The following CTNNA1 variants were observed in gnomAD, a reference collection of about 807,000 sequenced individuals.
CTNNA1 encodes the protein catenin alpha-1.
A neutral mutation model predicts 98.4 loss-of-function variants in CTNNA1; 37 were observed. The observed-to-expected ratio is 0.38, with a 90% confidence interval of 0.29 to 0.49. The LOEUF (loss-of-function observed/expected upper bound fraction) is 0.49. Ranked by LOEUF, CTNNA1 falls within the 20% of genes least tolerant of loss-of-function variation. The pLI is 0.95. For synonymous variants in CTNNA1, 404 were observed against 413.2 expected (o/e 0.98, Z 0.27); for missense variants, 761 against 1,147.2 (o/e 0.66, Z 4.86).
intron 5 of CTNNA1, among the ~76,000 whole-genome samples, chr5:138,813,307 C>A (rs966297168): frequency 1.3e-5 from 2 of 152,222 alleles, no homozygotes; most frequent in South Asian, 2.1e-4. Flanking sequence ...CTGTTCCTTC[C>A]ATATGTCTCT....
At chr5:138,758,500 C>T (rs980890891) in intron 1 of CTNNA1, among the ~76,000 whole-genome samples, 11 of 152,224 alleles carry the variant, frequency 7.2e-5, no homozygotes, top group South Asian at 2.1e-4. Flanking sequence ...GCCTCAGCCT[C>T]GCAAATAGCT....
chr5:138,775,963 T>C lies in CTNNA1; in HGVS notation c.-2-5960T>C, dbSNP rs190700112. On this transcript the variant is annotated intron_variant, in intron 1 of 17. Transcript: ENST00000302763. ...GGATGGTCTCGATCTCCTGACCTCA[T>C]GATCCACCTGCCTTGGCCTTCCAAA... Among the ~76,000 whole-genome samples, 142 of 151,468 alleles carry C rather than the reference T, an allele frequency of 9.4e-4. 1 individual carries two copies. The highest frequency in any genetic ancestry group is 3.3e-3 in the African/African-American group (136 of 41,370).
chr5:138,799,396 G>T (rs1434234260), intron 3 of CTNNA1, among the ~76,000 whole-genome samples: 2 of 152,100 alleles, frequency 1.3e-5, no homozygotes, highest in African/African-American at 4.8e-5. Context: ...CTGACTTCAG[G>T]TGATCCACCC....
chr5:138,888,628 A>G (rs1400849169), intron 9 of CTNNA1, among the ~76,000 whole-genome samples: 2 of 152,126 alleles, frequency 1.3e-5, no homozygotes, highest in African/African-American at 2.4e-5. Context: ...GCTGACTGCA[A>G]TCTCTGCCTC....
At chr5:138,891,769 TAAA>T (rs1268332417) in intron 9 of CTNNA1, among the ~76,000 whole-genome samples, 3 of 147,792 alleles carry the variant, frequency 2.0e-5, no homozygotes, top group African/African-American at 8.0e-5. Flanking sequence ...AAAAAATAAA[TAAA>T]ATAACAACAA....
chr5:138,833,573 T>A (rs1761486711), intron 7 of CTNNA1, among the ~76,000 whole-genome samples: 1 of 152,226 alleles, frequency 6.6e-6, no homozygotes, highest in Non-Finnish European at 1.5e-5. Context: ...TATGTATCTA[T>A]AACTTGTATA....
At chr5:138,802,290 T>C (rs1157934145) in intron 3 of CTNNA1, among the ~76,000 whole-genome samples, 1 of 152,222 alleles carries the variant, frequency 6.6e-6, no homozygotes, top group Non-Finnish European at 1.5e-5. Flanking sequence ...TATACATTTA[T>C]AATAGACAAT....
At chr5:138,887,314 C>T (rs1395311462) in intron 8 of CTNNA1, among the ~76,000 whole-genome samples, 176 bp from the exon 9 acceptor site, 1 of 152,090 alleles carries the variant, frequency 6.6e-6, no homozygotes, top group African/African-American at 2.4e-5. Flanking sequence ...TCTCCATGAT[C>T]ATGTTTCCTG....
chr5:138,840,115 G>A (rs1298162406), intron 7 of CTNNA1, among the ~76,000 whole-genome samples: 1 of 152,212 alleles, frequency 6.6e-6, no homozygotes, highest in Non-Finnish European at 1.5e-5. Context: ...CCGTGAAGAT[G>A]GGGATATAAT....
intron 12 of CTNNA1, 43 bp from the exon 13 acceptor site, chr5:138,925,213 C>A: frequency 1.9e-6 from 3 of 1,596,274 alleles, no homozygotes; most frequent in Non-Finnish European, 2.6e-6. Flanking sequence ...GGGAATGATG[C>A]TGCCTGCTGA....
At chr5:138,926,801 G>A (rs1009993196) in intron 13 of CTNNA1, among the ~76,000 whole-genome samples, 1 of 152,140 alleles carries the variant, frequency 6.6e-6, no homozygotes, top group Non-Finnish European at 1.5e-5. Context: ...CTCAGCCTGT[G>A]AAACACGGGT....
At chr5:138,865,250 C>T (rs988167280) in intron 7 of CTNNA1, among the ~76,000 whole-genome samples, 7 of 152,214 alleles carry the variant, frequency 4.6e-5, no homozygotes, top group Non-Finnish European at 1.0e-4. Context: ...GAAACACCAG[C>T]TGCTGAAAGT....
intron 7 of CTNNA1, among the ~76,000 whole-genome samples, chr5:138,859,838 G>A (rs561325958): frequency 6.6e-6 from 1 of 152,266 alleles, no homozygotes; most frequent in Non-Finnish European, 1.5e-5. Flanking sequence ...AGCCCAGGAG[G>A]CAGAGGTTGC....
chr5:138,878,457 A>G (rs973999993), intron 7 of CTNNA1, among the ~76,000 whole-genome samples: 6 of 152,240 alleles, frequency 3.9e-5, no homozygotes, highest in African/African-American at 1.4e-4. Context: ...TAAAGTGGCA[A>G]TACTACTTCT....
At position 138,773,732 on chromosome 5, in the gene CTNNA1, A is replaced by G. The variant is rs552911902; in HGVS notation, c.-2-8191A>G. Among the ~76,000 whole-genome samples the G allele has an allele frequency of 4.7e-5, 7 of 149,714 alleles. No individual in the cohort carries two copies. In the East Asian group the frequency reaches 1.4e-3, roughly 29 times the overall value. On this transcript the variant is annotated intron_variant, in intron 1 of 17. Transcript: ENST00000302763. ...GAATTAATTTTTTTTTTTTTTTTAGACAGAGTCTCACTCTGTTGCCCAGGC... is the reference window on the plus strand; with the variant it reads ...GAATTAATTTTTTTTTTTTTTTTAGGCAGAGTCTCACTCTGTTGCCCAGGC...
intron 7 of CTNNA1, among the ~76,000 whole-genome samples, chr5:138,866,299 TTTA>T (rs1204167218): frequency 6.7e-6 from 1 of 148,360 alleles, no homozygotes; most frequent in African/African-American, 2.5e-5. Flanking sequence ...TATTTATTTA[TTTA>T]TTTATTTATT....
At chr5:138,754,868 C>T (rs1204365769) in intron 1 of CTNNA1, 1 of 152,164 alleles carries the variant, frequency 6.6e-6, no homozygotes, top group African/African-American at 2.4e-5. Flanking sequence ...AGTGATCCCC[C>T]CACCTCGGCT....
intron 10 of CTNNA1, among the ~76,000 whole-genome samples, chr5:138,912,635 T>C (rs1406788730): frequency 1.3e-5 from 2 of 152,198 alleles, no homozygotes; most frequent in Non-Finnish European, 2.9e-5. Context: ...GCCACCCTTA[T>C]GTCACACTGT....
chr5:138,857,913 G>A (rs185444420), intron 7 of CTNNA1, among the ~76,000 whole-genome samples: 2 of 152,164 alleles, frequency 1.3e-5, no homozygotes, highest in East Asian at 1.9e-4. Context: ...TGAAAATTAC[G>A]CATGTAGGGA....
Sources: gnomAD v4.1 joint callset for allele counts (sites outside exome capture counted in the v4.1 genomes callset) on GRCh38, gnomAD v4.1.1 for gene constraint, MANE v1.5 for transcripts, NCBI Gene and HGNC (gene_info 2026-07-23, HGNC 2026-07-21) for gene names.